The following VPS13D variants were observed in gnomAD, a reference collection of about 807,000 sequenced individuals.
VPS13D encodes intermembrane lipid transfer protein VPS13D.
Under a neutral mutation model 461.9 loss-of-function variants are expected in VPS13D, and 187 were observed. That is an observed-to-expected ratio of 0.40 (90% CI 0.36 to 0.46). The LOEUF is 0.46. VPS13D is among the 20% of genes least tolerant of loss of function. The probability of loss-of-function intolerance (pLI) is 0.60; values close to 1 mark genes in which losing one functional copy is unlikely to be tolerated. For synonymous variants in VPS13D, 1,951 were observed against 1,986.3 expected, an observed-to-expected ratio of 0.98 and a Z score of 0.47; for missense variants, 4,711 against 5,364.9, an observed-to-expected ratio of 0.88 and a Z score of 3.81.
intron 6 of VPS13D, chr1:12,249,619 T>C (rs1307925606): frequency 4.2e-6 from 1 of 238,222 alleles, no homozygotes. Flanking sequence ...TCGTGTTATG[T>C]ACACTCCCTG....
chr1:12,273,177 A>G, intron 18 of VPS13D, 42 bp downstream of exon 18: 1 of 1,604,060 alleles, frequency 6.2e-7, no homozygotes, highest in Non-Finnish European at 8.5e-7. Context: ...GCCTTGGTAG[A>G]TGGATGATCT....
chr1:12,359,347 A>G (rs1643918420), intron 50 of VPS13D, among the ~76,000 whole-genome samples: 1 of 152,088 alleles, frequency 6.6e-6, no homozygotes, highest in African/African-American at 2.4e-5. Context: ...AACACCATCT[A>G]TGACTGCATG....
chr1:12,291,902 A>T (rs991278998), intron 23 of VPS13D, among the ~76,000 whole-genome samples: 2 of 152,164 alleles, frequency 1.3e-5, no homozygotes, highest in African/African-American at 4.8e-5. Context: ...CATGATCTAT[A>T]TTGAATTGTT....
chr1:12,310,630 A>T (rs990353200), intron 27 of VPS13D, among the ~76,000 whole-genome samples: 1 of 152,212 alleles, frequency 6.6e-6, no homozygotes, highest in Non-Finnish European at 1.5e-5. Flanking sequence ...CAAAGAGTTA[A>T]ATAAAGATCT....
At chr1:12,494,531 G>C (rs1420640924) in intron 67 of VPS13D, among the ~76,000 whole-genome samples, 2 of 152,146 alleles carry the variant, frequency 1.3e-5, no homozygotes, top group South Asian at 2.1e-4. Flanking sequence ...ATTTTTAAGA[G>C]CTCGGGTCCA....
At chr1:12,256,272 A>C (rs1640917743) in intron 7 of VPS13D, 61 bp from the exon 8 acceptor site, 4 of 1,564,272 alleles carry the variant, frequency 2.6e-6, no homozygotes, top group Non-Finnish European at 3.5e-6. Flanking sequence ...CAACATTGTA[A>C]AAGAGTGACT....
At chr1:12,445,732 C>A (rs1274761424) in intron 65 of VPS13D, among the ~76,000 whole-genome samples, 1 of 152,160 alleles carries the variant, frequency 6.6e-6, no homozygotes, top group African/African-American at 2.4e-5. Context: ...TTTAAAAGAA[C>A]CTTCTTTTGA....
At chr1:12,363,398 A>G in intron 52 of VPS13D, 151 bp downstream of exon 52, 1 of 784,716 alleles carries the variant, frequency 1.3e-6, no homozygotes, top group East Asian at 2.7e-5. Context: ...GTGAGGGGAT[A>G]ATTTGATGGA....
At chr1:12,413,090 A>G (rs949963662) in intron 63 of VPS13D, among the ~76,000 whole-genome samples, 3 of 152,202 alleles carry the variant, frequency 2.0e-5, no homozygotes, top group African/African-American at 7.2e-5. Context: ...ACGCTGAGGT[A>G]CCATTACACA....
chr1:12,346,333 T>C (rs750330706), intron 43 of VPS13D, among the ~76,000 whole-genome samples: 1 of 152,234 alleles, frequency 6.6e-6, no homozygotes, highest in Non-Finnish European at 1.5e-5. Context: ...CCTAAGTTTA[T>C]GTCTAGTAAT....
chr1:12,261,161 G>A lies in VPS13D; in HGVS notation c.1414+12G>A. Reference sequence around the variant, plus strand: ...TGAAGAGATCCTGGGTACGGTGGGAGCTGGCCTTCACTTGATTCAAACAAA... The same window carrying A: ...TGAAGAGATCCTGGGTACGGTGGGAACTGGCCTTCACTTGATTCAAACAAA... On this transcript the variant is annotated intron_variant, in intron 12 of 69. Transcript: ENST00000620676. The A allele has an allele frequency of 6.2e-7, 1 of 1,613,694 alleles. No homozygotes were observed. Among genetic ancestry groups the A allele is most frequent in the Non-Finnish European group, 8.5e-7 (1 of 1,179,706 alleles).
chr1:12,304,575 G>T lies in VPS13D; in HGVS notation c.6286G>T (p.Glu2096Ter). 1 of 1,614,076 alleles carries T rather than the reference G, an allele frequency of 6.2e-7. No homozygotes were observed. The highest frequency in any genetic ancestry group is 8.5e-7 in the Non-Finnish European group (1 of 1,180,016). ...HSLRKTTSTE[E>*]PRGTHSQGQF... ...TCTGAGGAAAACGACAAGCACGGAGGAGCCCAGGGGAACCCATTCCCAGGG... is the reference window on the plus strand; with the variant it reads ...TCTGAGGAAAACGACAAGCACGGAGTAGCCCAGGGGAACCCATTCCCAGGG... The change falls in exon 26 of 70, where the codon GAG becomes TAG. Residue 2096 changes from glutamate (E) to a stop codon, truncating the protein, a stop_gained. Transcript: ENST00000620676. LOFTEE classifies it high-confidence loss of function.
intron 17 of VPS13D, 95 bp downstream of exon 17, chr1:12,271,219 A>G: frequency 6.8e-7 from 1 of 1,476,350 alleles, no homozygotes; most frequent in Non-Finnish European, 9.3e-7. Context: ...GCTTACTTAT[A>G]TCAATTATGC....
intron 22 of VPS13D, among the ~76,000 whole-genome samples, chr1:12,290,538 C>T (rs755927638): frequency 1.4e-4 from 21 of 152,010 alleles, no homozygotes; most frequent in Non-Finnish European, 2.5e-4. Flanking sequence ...CTGGCTAACA[C>T]GGTGAAACCC....
rs561810454 is a variant in VPS13D at position 12,443,512 on chromosome 1, G to A, written c.12334-12486G>A. Reference sequence around the variant, plus strand: ...GTTACTTGATTAGAGAGTATTTTTTGGTCCCATCTTTATTTTGCTTCTTTT... The same window carrying A: ...GTTACTTGATTAGAGAGTATTTTTTAGTCCCATCTTTATTTTGCTTCTTTT... On this transcript the variant is annotated intron_variant, in intron 65 of 69. Coordinates refer to ENST00000620676, the MANE Select transcript of VPS13D (RefSeq NM_015378.4). 2.0e-5 allele frequency among the ~76,000 whole-genome samples: 3 copies of A among 152,158 alleles called. No individual in the cohort carries two copies. The South Asian group carries it at 6.2e-4, about 32-fold the overall frequency.
chr1:12,338,543 G>T (rs1643499963), intron 40 of VPS13D, among the ~76,000 whole-genome samples: 1 of 152,104 alleles, frequency 6.6e-6, no homozygotes, highest in Non-Finnish European at 1.5e-5. Flanking sequence ...AAACTCCACA[G>T]TGTATGATGC....
At chr1:12,319,095 A>G (rs756144271) in intron 31 of VPS13D, among the ~76,000 whole-genome samples, 2 of 152,256 alleles carry the variant, frequency 1.3e-5, no homozygotes, top group Non-Finnish European at 2.9e-5. Flanking sequence ...ACTTAGATGC[A>G]TAGTGCCTGA....
intron 53 of VPS13D, among the ~76,000 whole-genome samples, chr1:12,369,231 G>C (rs536272225): frequency 5.2e-3 from 702 of 135,320 alleles, no homozygotes; most frequent in African/African-American, 0.019. Flanking sequence ...GTGTGTATCT[G>C]TGTGTGTGTG....
intron 55 of VPS13D, among the ~76,000 whole-genome samples, chr1:12,374,771 T>C (rs1250763656): frequency 6.6e-6 from 1 of 152,210 alleles, no homozygotes; most frequent in East Asian, 1.9e-4. Flanking sequence ...GGAGTCTTGC[T>C]CTGTTGCCTA....
Sources: allele counts gnomAD v4.1 joint callset (sites outside exome capture counted in the v4.1 genomes callset), GRCh38; gene constraint gnomAD v4.1.1; transcripts MANE v1.5; gene names NCBI Gene and HGNC (gene_info 2026-07-23, HGNC 2026-07-21).